The following PIBF1 variants were observed in gnomAD, a reference collection of about 807,000 sequenced individuals.
PIBF1 encodes the protein progesterone immunomodulatory binding factor 1, also known as progesterone-induced-blocking factor 1.
In PIBF1, 90 loss-of-function variants were observed where a neutral mutation model predicts 112.5. That is an observed-to-expected ratio of 0.80 (90% CI 0.67 to 0.95). PIBF1 has a LOEUF of 0.95. PIBF1 is among the 40% of genes least tolerant of loss of function. The pLI is 0.00. For missense variants in PIBF1, 915 were observed against 852.3 expected, an observed-to-expected ratio of 1.07 and a Z score of -0.92; for synonymous variants, 301 against 288.6, an observed-to-expected ratio of 1.04 and a Z score of -0.44.
intron 10 of PIBF1, among the ~76,000 whole-genome samples, chr13:72,877,189 A>T (rs919694564): frequency 6.6e-6 from 1 of 152,050 alleles, no homozygotes; most frequent in Non-Finnish European, 1.5e-5. Context: ...ACATTAATTG[A>T]TTTTCAAATT....
At chr13:72,816,130 G>T (rs1163649201) in intron 5 of PIBF1, among the ~76,000 whole-genome samples, 1 of 152,158 alleles carries the variant, frequency 6.6e-6, no homozygotes, top group African/African-American at 2.4e-5. Context: ...TAGCTAGTGG[G>T]TGATGTCTTA....
At chr13:72,871,594 G>A (rs1032263000) in intron 10 of PIBF1, among the ~76,000 whole-genome samples, 5 of 152,070 alleles carry the variant, frequency 3.3e-5, no homozygotes, top group East Asian at 1.9e-4. Flanking sequence ...GTGAGCCTCC[G>A]CGACCAGCCT....
At chr13:72,962,769 T>G (rs2042640026) in intron 14 of PIBF1, among the ~76,000 whole-genome samples, 1 of 152,150 alleles carries the variant, frequency 6.6e-6, no homozygotes, top group African/African-American at 2.4e-5. Context: ...TTTACAGAAA[T>G]GGAAAAACTG....
At chr13:72,892,978 A>G (rs2040118384) in intron 10 of PIBF1, among the ~76,000 whole-genome samples, 1 of 152,124 alleles carries the variant, frequency 6.6e-6, no homozygotes, top group Non-Finnish European at 1.5e-5. Context: ...TATTTTATCT[A>G]CCAATGTATA....
chr13:72,936,110 C>T (rs750174168), intron 14 of PIBF1, among the ~76,000 whole-genome samples: 16 of 152,120 alleles, frequency 1.1e-4, no homozygotes, highest in Admixed American at 9.8e-4. Flanking sequence ...TCATTGCAGC[C>T]TCGAACTCTT....
Position 72,860,308 on chromosome 13 carries a change from GGTGTGTGTGTGTGTGT to G in PIBF1, c.1322+6183_1322+6198del, listed in dbSNP as rs3219561. On this transcript the variant is annotated intron_variant, in intron 10 of 17. Coordinates refer to ENST00000326291, the MANE Select transcript of PIBF1 (RefSeq NM_006346.4). ...TTCGCTTTCCCTGTGTTTTTTTAGGGGTGTGTGTGTGTGTGTGTGTGTGTGTGTGTGTGTGTGTGTG... is the reference window on the plus strand; with the variant it reads ...TTCGCTTTCCCTGTGTTTTTTTAGGGGTGTGTGTGTGTGTGTGTGTGTGTG... Among the ~76,000 whole-genome samples, 28 of 143,246 alleles carry G rather than the reference GGTGTGTGTGTGTGTGT, an allele frequency of 2.0e-4. No individual in the cohort carries two copies. In the East Asian group the frequency reaches 4.6e-3, roughly 24 times the overall value. 94.0% of individuals were successfully genotyped at this position (143,246 alleles called of 152,430 possible).
chr13:72,984,662 T>C (rs925818533), intron 16 of PIBF1, among the ~76,000 whole-genome samples: 1 of 152,198 alleles, frequency 6.6e-6, no homozygotes, highest in Admixed American at 6.5e-5. Context: ...TTCCTTTAGA[T>C]TGTACTCTCT....
chr13:72,800,953 TGA>T (rs1185148340), intron 5 of PIBF1, among the ~76,000 whole-genome samples: 2 of 151,868 alleles, frequency 1.3e-5, no homozygotes, highest in African/African-American at 2.4e-5. Context: ...CTTGAGGAAG[TGA>T]GAGAGAGAAC....
rs144976942 is a variant in PIBF1 at position 72,987,819 on chromosome 13, G to A, written c.2050-11003G>A. 7.7e-3 allele frequency among the ~76,000 whole-genome samples: 956 copies of A among 123,452 alleles called. 48 individuals carry two copies. Among genetic ancestry groups the A allele is most frequent in the East Asian group, 0.011 (43 of 4,020 alleles). 81.0% of individuals were successfully genotyped at this position (123,452 alleles called of 152,430 possible). Reference sequence around the variant, plus strand: ...GAGCCACCATGCCTGGCCTTCTTGAGTTTTTTTTATTTTTTGTAATTTATT... The same window carrying A: ...GAGCCACCATGCCTGGCCTTCTTGAATTTTTTTTATTTTTTGTAATTTATT... On this transcript the variant is annotated intron_variant, in intron 16 of 17. Coordinates refer to ENST00000326291, the MANE Select transcript of PIBF1 (RefSeq NM_006346.4).
At chr13:72,822,037 GT>G in intron 6 of PIBF1, 55 bp downstream of exon 6, 1 of 1,469,488 alleles carries the variant, frequency 6.8e-7, no homozygotes, top group Admixed American at 2.2e-5. Flanking sequence ...GTGCATCAAA[GT>G]CACCTGAGTT....
chr13:72,962,062 T>C (rs1289201887), intron 14 of PIBF1, among the ~76,000 whole-genome samples: 1 of 152,134 alleles, frequency 6.6e-6, no homozygotes, highest in East Asian at 1.9e-4. Context: ...ACATAAATTA[T>C]GTAAATTTTT....
chr13:72,932,750 G>T (rs1298831488), intron 14 of PIBF1, among the ~76,000 whole-genome samples: 2 of 152,122 alleles, frequency 1.3e-5, no homozygotes, highest in Non-Finnish European at 2.9e-5. Context: ...TGACAAATTT[G>T]ATTGTTTTTA....
chr13:72,850,635 G>A (rs929238518), intron 9 of PIBF1, among the ~76,000 whole-genome samples: 3 of 152,132 alleles, frequency 2.0e-5, no homozygotes, highest in Admixed American at 6.5e-5. Context: ...TTGTGCTGCC[G>A]AAATAACATA....
intron 6 of PIBF1, among the ~76,000 whole-genome samples, 163 bp from the exon 7 acceptor site, chr13:72,826,847 T>G (rs1013057705): frequency 1.3e-5 from 2 of 152,182 alleles, no homozygotes; most frequent in Non-Finnish European, 2.9e-5. Flanking sequence ...ACAGAGTCCC[T>G]TCTAAATCTG....
intron 9 of PIBF1, among the ~76,000 whole-genome samples, chr13:72,848,401 A>G (rs1334342826): frequency 2.0e-5 from 3 of 152,208 alleles, no homozygotes; most frequent in Non-Finnish European, 2.9e-5. Flanking sequence ...CGAATGTTTT[A>G]TAATGAGGTT....
At chr13:72,941,130 A>G (rs1355186899) in intron 14 of PIBF1, among the ~76,000 whole-genome samples, 1 of 152,214 alleles carries the variant, frequency 6.6e-6, no homozygotes, top group Admixed American at 6.5e-5. Context: ...TAAGGCAGTC[A>G]TAGAGTTTAC....
chr13:72,834,006 A>G (rs1184581635), intron 8 of PIBF1, among the ~76,000 whole-genome samples: 1 of 152,204 alleles, frequency 6.6e-6, no homozygotes, highest in Non-Finnish European at 1.5e-5. Context: ...ATAGATAGAT[A>G]TATGCTATGA....
At chr13:72,799,876 G>A (rs770449354) in intron 5 of PIBF1, among the ~76,000 whole-genome samples, 5 of 152,048 alleles carry the variant, frequency 3.3e-5, no homozygotes, top group Non-Finnish European at 7.4e-5. Context: ...CTTAATATTT[G>A]GGACTTCTCA....
chr13:73,011,243 T>C (rs1187955691), intron 17 of PIBF1, among the ~76,000 whole-genome samples: 1 of 152,158 alleles, frequency 6.6e-6, no homozygotes, highest in Admixed American at 6.5e-5. Flanking sequence ...ATCCCATGGA[T>C]GGGAACCAGT....
Sources: gnomAD v4.1 joint callset for allele counts (sites outside exome capture counted in the v4.1 genomes callset) on GRCh38, gnomAD v4.1.1 for gene constraint, MANE v1.5 for transcripts, NCBI Gene and HGNC (gene_info 2026-07-23, HGNC 2026-07-21) for gene names.